Variants in CTNNA3 observed in about 807,000 individuals in gnomAD.
CTNNA3 encodes catenin alpha-3.
CTNNA3 carries 76 observed loss-of-function variants against 95.7 expected under a neutral mutation model. The ratio of observed to expected loss-of-function variants is 0.79; its 90% CI spans 0.66 to 0.96. The LOEUF (loss-of-function observed/expected upper bound fraction) is 0.96, where lower values mean the gene tolerates loss of function less well. Among genes scored for constraint, CTNNA3 ranks in the 40% least tolerant of loss-of-function variants. The probability of loss-of-function intolerance (pLI) is 0.00; values close to 1 mark genes in which losing one functional copy is unlikely to be tolerated. For synonymous variants in CTNNA3, 431 were observed against 374.4 expected, an observed-to-expected ratio of 1.15 and a Z score of -1.74; for missense variants, 1,191 against 1,089.8, an observed-to-expected ratio of 1.09 and a Z score of -1.31.
At chr10:67,463,540 C>T (rs920866723) in intron 5 of CTNNA3, among the ~76,000 whole-genome samples, 4 of 152,150 alleles carry the variant, frequency 2.6e-5, no homozygotes, top group African/African-American at 9.7e-5. Context: ...CAGTCATGTC[C>T]TCTGGAGAAG....
chr10:66,848,196 T>C (rs749885009), intron 7 of CTNNA3, among the ~76,000 whole-genome samples: 14 of 152,214 alleles, frequency 9.2e-5, no homozygotes, highest in Non-Finnish European at 2.9e-5. Context: ...CTGTGGTTCT[T>C]CTTTGGGGTA....
intron 7 of CTNNA3, among the ~76,000 whole-genome samples, chr10:66,967,695 A>G (rs903847898): frequency 2.0e-5 from 3 of 152,132 alleles, no homozygotes; most frequent in Non-Finnish European, 4.4e-5. Context: ...TGAACGTTCT[A>G]AAAATGAAGT....
intron 5 of CTNNA3, among the ~76,000 whole-genome samples, chr10:67,220,285 T>C (rs944010469): frequency 2.0e-5 from 3 of 152,214 alleles, no homozygotes; most frequent in African/African-American, 7.2e-5. Context: ...ATTAGACCAA[T>C]TGAGTTAAGA....
intron 2 of CTNNA3, among the ~76,000 whole-genome samples, chr10:67,628,781 C>T (rs565063437): frequency 6.6e-6 from 1 of 151,760 alleles, no homozygotes; most frequent in Non-Finnish European, 1.5e-5. Context: ...AAAAAAAAGA[C>T]CAAATATCTT....
At chr10:66,516,418 G>A (rs1840860844) in intron 11 of CTNNA3, among the ~76,000 whole-genome samples, 1 of 152,150 alleles carries the variant, frequency 6.6e-6, no homozygotes, top group South Asian at 2.1e-4. Context: ...TTTTGTTTGT[G>A]TAGTAAGTGA....
At chr10:67,450,978 T>C (rs1846957557) in intron 5 of CTNNA3, among the ~76,000 whole-genome samples, 1 of 152,098 alleles carries the variant, frequency 6.6e-6, no homozygotes, top group South Asian at 2.1e-4. Context: ...GTTCATGTGT[T>C]AGAAACTTAA....
chr10:67,123,394 A>G (rs1256718649), intron 7 of CTNNA3, among the ~76,000 whole-genome samples: 2 of 152,198 alleles, frequency 1.3e-5, no homozygotes, highest in Non-Finnish European at 2.9e-5. Context: ...CTATGTGCAT[A>G]GCTACAAAAA....
chr10:67,623,322 T>G (rs1250472718), intron 2 of CTNNA3, among the ~76,000 whole-genome samples: 1 of 152,184 alleles, frequency 6.6e-6, no homozygotes, highest in Non-Finnish European at 1.5e-5. Flanking sequence ...TGAAAGCCAA[T>G]CAAATCTGTC....
At chr10:66,300,013 C>T (rs1204218298) in intron 12 of CTNNA3, among the ~76,000 whole-genome samples, 1 of 152,102 alleles carries the variant, frequency 6.6e-6, no homozygotes, top group African/African-American at 2.4e-5. Context: ...CTGCCTCAGC[C>T]TCCCGAGTAG....
intron 7 of CTNNA3, among the ~76,000 whole-genome samples, chr10:66,972,550 G>A (rs1436530400): frequency 2.0e-5 from 3 of 151,880 alleles, no homozygotes; most frequent in Non-Finnish European, 2.9e-5. Context: ...AGTTAACTTT[G>A]TCATTAACAG....
At chr10:67,683,632 G>A (rs1840669768) in intron 1 of CTNNA3, among the ~76,000 whole-genome samples, 1 of 152,240 alleles carries the variant, frequency 6.6e-6, no homozygotes, top group South Asian at 2.1e-4. Flanking sequence ...CATGCATATA[G>A]GTAAGAGTGT....
At chr10:66,826,416 A>G (rs371123890) in intron 7 of CTNNA3, among the ~76,000 whole-genome samples, 19 of 152,294 alleles carry the variant, frequency 1.2e-4, no homozygotes, top group African/African-American at 4.6e-4. Context: ...AGCTGGGACT[A>G]CAGGCTCACA....
chr10:67,545,925 A>C (rs1840831920), intron 3 of CTNNA3, among the ~76,000 whole-genome samples: 1 of 152,180 alleles, frequency 6.6e-6, no homozygotes, highest in African/African-American at 2.4e-5. Flanking sequence ...TTGTATGTAA[A>C]AGTACACAAC....
chr10:67,315,256 A>G (rs1840992638), intron 5 of CTNNA3, among the ~76,000 whole-genome samples: 2 of 152,180 alleles, frequency 1.3e-5, no homozygotes, highest in African/African-American at 4.8e-5. Context: ...TACCCAAAGT[A>G]AACTCCCCAT....
intron 15 of CTNNA3, among the ~76,000 whole-genome samples, chr10:66,048,593 T>C (rs1356653858): frequency 6.6e-6 from 1 of 152,068 alleles, no homozygotes; most frequent in African/African-American, 2.4e-5. Context: ...ACCCCATCTC[T>C]ACTAAAAATA....
chr10:66,713,477 CTTAA>C (rs1386338184), intron 9 of CTNNA3, among the ~76,000 whole-genome samples: 1 of 145,504 alleles, frequency 6.9e-6, no homozygotes, highest in East Asian at 1.9e-4. Flanking sequence ...CAATAAAGAT[CTTAA>C]TTAAAGAAAT....
chr10:67,291,230 G>A (rs1422538288), intron 5 of CTNNA3, among the ~76,000 whole-genome samples: 5 of 152,106 alleles, frequency 3.3e-5, no homozygotes, highest in African/African-American at 1.2e-4. Flanking sequence ...CAATGCTTGG[G>A]ACGTGGTGAG....
At chr10:67,585,211 T>C (rs1842584468) in intron 3 of CTNNA3, among the ~76,000 whole-genome samples, 1 of 152,176 alleles carries the variant, frequency 6.6e-6, no homozygotes, top group Admixed American at 6.5e-5. Context: ...TCCAGTGTAA[T>C]ATATTTTTGA....
intron 13 of CTNNA3, among the ~76,000 whole-genome samples, chr10:66,130,679 C>T (rs1217266797): frequency 6.6e-6 from 1 of 151,686 alleles, no homozygotes; most frequent in Non-Finnish European, 1.5e-5. Context: ...CCTGTCTCTA[C>T]TAAAAATACA....
Sources: gnomAD v4.1 joint callset for allele counts (sites outside exome capture counted in the v4.1 genomes callset) on GRCh38, gnomAD v4.1.1 for gene constraint, MANE v1.5 for transcripts, NCBI Gene and HGNC (gene_info 2026-07-23, HGNC 2026-07-21) for gene names.